Variants in EYS observed in about 807,000 individuals in gnomAD.
The protein encoded by EYS is EGF-like photoreceptor maintenance factor.
EYS carries 250 observed loss-of-function variants against 282.1 expected under a neutral mutation model. That is an observed-to-expected ratio of 0.89 (90% CI 0.80 to 0.98). The LOEUF is 0.98. Ranked by LOEUF, EYS falls within the 50% of genes least tolerant of loss-of-function variation. The pLI, the probability that EYS is intolerant of heterozygous loss-of-function variation, is 0.00. For synonymous variants in EYS, 1,355 were observed against 1,282.9 expected, an observed-to-expected ratio of 1.06 and a Z score of -1.20; for missense variants, 4,016 against 3,709.0, an observed-to-expected ratio of 1.08 and a Z score of -2.15.
intron 12 of EYS, among the ~76,000 whole-genome samples, chr6:65,183,306 C>G (rs993545193): frequency 1.6e-4 from 25 of 151,960 alleles, no homozygotes; most frequent in African/African-American, 5.8e-4. Context: ...AAAGGTCTCA[C>G]TTAAACATTT....
intron 28 of EYS, among the ~76,000 whole-genome samples, chr6:64,424,973 C>T (rs943932598): frequency 1.3e-5 from 2 of 152,122 alleles, no homozygotes; most frequent in African/African-American, 4.8e-5. Context: ...AGAGGCCACA[C>T]GGAACCAATG....
chr6:64,769,114 A>G (rs1466495816), intron 22 of EYS, among the ~76,000 whole-genome samples: 3 of 152,112 alleles, frequency 2.0e-5, no homozygotes, highest in Admixed American at 1.3e-4. Context: ...TTTTTATCAT[A>G]CTTATATGAA....
At chr6:64,321,295 C>G (rs1179758667) in intron 29 of EYS, among the ~76,000 whole-genome samples, 3 of 151,690 alleles carry the variant, frequency 2.0e-5, no homozygotes, top group African/African-American at 4.8e-5. Context: ...TGAATCTACT[C>G]TAAACTGAAT....
chr6:63,959,648 G>A (rs1765969085), intron 35 of EYS, among the ~76,000 whole-genome samples: 1 of 152,174 alleles, frequency 6.6e-6, no homozygotes, highest in Non-Finnish European at 1.5e-5. Flanking sequence ...TAAAGGAAAC[G>A]TGGTACATAT....
At chr6:65,016,987 G>A (rs563111028) in intron 13 of EYS, among the ~76,000 whole-genome samples, 24 of 152,268 alleles carry the variant, frequency 1.6e-4, no homozygotes, top group Middle Eastern at 6.8e-3. Flanking sequence ...ACCAGAGATG[G>A]TTGCTGCTAT....
rs1434253158 is a variant in EYS at position 63,726,697 on chromosome 6, AAG to A, written c.8072-19_8072-18del. The A allele has an allele frequency of 2.6e-6, 4 of 1,546,774 alleles. No individual in the cohort carries two copies. The highest frequency in any genetic ancestry group is 1.7e-4 in the Middle Eastern group (1 of 5,974). On this transcript the variant is annotated intron_variant, in intron 41 of 42. Coordinates refer to ENST00000503581, the MANE Select transcript of EYS (RefSeq NM_001142800.2). ...TGGATAAAGCTGAGGGAAGGAGAGAAAGAGAACTCTGGGAGTTATCTGCTGGA... is the reference window on the plus strand; with the variant it reads ...TGGATAAAGCTGAGGGAAGGAGAGAAAGAACTCTGGGAGTTATCTGCTGGA...
chr6:64,899,562 T>C (rs888406457), intron 18 of EYS, among the ~76,000 whole-genome samples: 3 of 151,828 alleles, frequency 2.0e-5, no homozygotes, highest in Admixed American at 6.6e-5. Flanking sequence ...GCATTCCTAT[T>C]ATAATAGACA....
chr6:64,123,688 A>G (rs1480079944), intron 31 of EYS, among the ~76,000 whole-genome samples: 1 of 152,238 alleles, frequency 6.6e-6, no homozygotes, highest in Non-Finnish European at 1.5e-5. Context: ...GTTCAGGGAA[A>G]TATACTGGGA....
In EYS at chr6:64,410,337, T is replaced by G. The variant is rs542000769; in HGVS notation, c.5928-21497A>C. On this transcript the variant is annotated intron_variant, in intron 28 of 42. Coordinates refer to ENST00000503581, the MANE Select transcript of EYS (RefSeq NM_001142800.2). ...GAATCCTCAAAATAGTATCTGAGAC[T>G]GAATATGATTTTTATTATACCTAGT... 4.6e-5 allele frequency among the ~76,000 whole-genome samples: 7 copies of G among 152,266 alleles called. No individual in the cohort carries two copies. The South Asian group carries it at 1.0e-3, about 23-fold the overall frequency.
chr6:64,564,792 G>A (rs1311538933), intron 26 of EYS, among the ~76,000 whole-genome samples: 1 of 151,882 alleles, frequency 6.6e-6, no homozygotes, highest in East Asian at 1.9e-4. Context: ...TGTAGGTTGG[G>A]GTGGGGGTCG....
chr6:63,990,464 G>T (rs992294360), intron 34 of EYS, among the ~76,000 whole-genome samples: 3 of 151,736 alleles, frequency 2.0e-5, no homozygotes, highest in Admixed American at 2.0e-4. Flanking sequence ...CTTGGGAAAA[G>T]AAATAGAAAA....
intron 31 of EYS, among the ~76,000 whole-genome samples, chr6:64,133,097 T>A (rs1774037523): frequency 6.6e-6 from 1 of 152,084 alleles, no homozygotes. Context: ...GATAAAATAT[T>A]ATATTAAAGT....
chr6:64,712,271 G>A (rs990428380), intron 22 of EYS, among the ~76,000 whole-genome samples: 3 of 152,144 alleles, frequency 2.0e-5, no homozygotes, highest in East Asian at 1.9e-4. Flanking sequence ...GAATATATAC[G>A]AGCTGTAGCA....
intron 12 of EYS, among the ~76,000 whole-genome samples, chr6:65,218,652 C>A (rs993378024): frequency 6.6e-6 from 1 of 152,082 alleles, no homozygotes; most frequent in Admixed American, 6.6e-5. Flanking sequence ...TAGTCCCAGG[C>A]CTAAGTCTTT....
chr6:64,472,436 T>TA (rs774824376), intron 26 of EYS, among the ~76,000 whole-genome samples: 27 of 152,280 alleles, frequency 1.8e-4, no homozygotes, highest in Non-Finnish European at 1.9e-4. Context: ...CAAATTTGGT[T>TA]AATAGATTTG....
chr6:65,628,000 G>A (rs1051792927), intron 2 of EYS, among the ~76,000 whole-genome samples: 9 of 152,246 alleles, frequency 5.9e-5, no homozygotes, highest in Non-Finnish European at 5.9e-5. Flanking sequence ...AAGCCAGCTG[G>A]GCTCCTGAGT....
intron 26 of EYS, among the ~76,000 whole-genome samples, chr6:64,461,585 A>C (rs1368538727): frequency 1.3e-5 from 2 of 152,202 alleles, no homozygotes; most frequent in Non-Finnish European, 2.9e-5. Context: ...ACACATTTAA[A>C]AAATATTTTG....
At chr6:64,819,185 T>G (rs547658012) in intron 21 of EYS, among the ~76,000 whole-genome samples, 1 of 152,208 alleles carries the variant, frequency 6.6e-6, no homozygotes, top group Non-Finnish European at 1.5e-5. Context: ...GTAAGTAAGA[T>G]AGAGAGAGAT....
chr6:65,601,654 T>C (rs568445957), intron 2 of EYS, among the ~76,000 whole-genome samples: 2 of 152,076 alleles, frequency 1.3e-5, no homozygotes, highest in South Asian at 4.1e-4. Flanking sequence ...AATGAATTTC[T>C]CCATGAAATA....
Sources: gnomAD v4.1 joint callset for allele counts (sites outside exome capture counted in the v4.1 genomes callset) on GRCh38, gnomAD v4.1.1 for gene constraint, MANE v1.5 for transcripts, NCBI Gene and HGNC (gene_info 2026-07-23, HGNC 2026-07-21) for gene names.